Variants in VTI1A observed in about 807,000 individuals in gnomAD.
VTI1A encodes vesicle transport through interaction with t-SNAREs homolog 1A.
VTI1A carries 22 observed loss-of-function variants against 34.9 expected under a neutral mutation model. The observed-to-expected ratio is 0.63, with a 90% confidence interval of 0.45 to 0.90. VTI1A has a LOEUF of 0.90. Among genes scored for constraint, VTI1A ranks in the 40% least tolerant of loss-of-function variants. The pLI is 0.00. For missense variants in VTI1A, 268 were observed against 275.6 expected, an observed-to-expected ratio of 0.97 and a Z score of 0.20; for synonymous variants, 87 against 97.3, an observed-to-expected ratio of 0.89 and a Z score of 0.62.
chr10:112,817,158 C>T lies in VTI1A; in HGVS notation c.*1775C>T. 1 of 232,798 alleles carries T rather than the reference C, an allele frequency of 4.3e-6. No homozygotes were observed. Among genetic ancestry groups the T allele is most frequent in the Non-Finnish European group, 8.5e-6 (1 of 117,738 alleles). The allele number at this position is 232,798 out of a possible 1,614,324, so 14.4% of individuals were successfully genotyped here. A position where few individuals can be genotyped will look rare whatever the true frequency, so the allele number is the denominator to read the frequency against. On this transcript the variant is annotated 3_prime_UTR_variant, in exon 8 of 8. Coordinates refer to ENST00000393077, the MANE Select transcript of VTI1A (RefSeq NM_145206.4). Reference sequence around the variant, plus strand: ...AAGGAAACAAACAAACAACCCTTTTCTCATTCCGACACACGAATAGTCATC... The same window carrying T: ...AAGGAAACAAACAAACAACCCTTTTTTCATTCCGACACACGAATAGTCATC...
intron 5 of VTI1A, among the ~76,000 whole-genome samples, chr10:112,556,263 C>T (rs1219988768): frequency 6.6e-6 from 1 of 151,922 alleles, no homozygotes; most frequent in Admixed American, 6.6e-5. Flanking sequence ...GTAGAGAAGT[C>T]GCTTTTCACA....
chr10:112,480,995 A>G (rs1293386524), intron 3 of VTI1A, among the ~76,000 whole-genome samples: 2 of 152,170 alleles, frequency 1.3e-5, no homozygotes, highest in Admixed American at 6.5e-5. Flanking sequence ...TTATTGGTTA[A>G]GTTGAGCAGC....
intron 7 of VTI1A, among the ~76,000 whole-genome samples, chr10:112,807,363 C>T (rs1243193679): frequency 2.0e-5 from 3 of 152,150 alleles, no homozygotes; most frequent in African/African-American, 4.8e-5. Context: ...GTTGACAGGG[C>T]GATGCTCTCT....
intron 7 of VTI1A, among the ~76,000 whole-genome samples, chr10:112,692,992 C>G (rs1564886391): frequency 6.6e-6 from 1 of 152,206 alleles, no homozygotes; most frequent in Non-Finnish European, 1.5e-5. Flanking sequence ...ATGAATGTCT[C>G]TCTCACGAGC....
At chr10:112,778,954 A>G (rs992251025) in intron 7 of VTI1A, among the ~76,000 whole-genome samples, 7 of 152,242 alleles carry the variant, frequency 4.6e-5, no homozygotes, top group Non-Finnish European at 1.0e-4. Context: ...ACTGAGTGAC[A>G]CATTTTCCTA....
chr10:112,817,669 G>A lies in VTI1A; in HGVS notation c.*2286G>A. On this transcript the variant is annotated 3_prime_UTR_variant, in exon 8 of 8. Transcript: ENST00000393077. ...CTGGACACTGCAGAAAAGACTTAGG[G>A]GATCCCCAGCAGAGGCCAATTGCTC... 4.4e-6 allele frequency: 1 copy of A among 229,018 alleles called. No homozygotes were observed. 14.2% of individuals were successfully genotyped at this position (229,018 alleles called of 1,614,324 possible). A position where few individuals can be genotyped will look rare whatever the true frequency, so the allele number is the denominator to read the frequency against.
chr10:112,733,119 C>G (rs1051116123), intron 7 of VTI1A, among the ~76,000 whole-genome samples: 1 of 152,194 alleles, frequency 6.6e-6, no homozygotes, highest in Non-Finnish European at 1.5e-5. Context: ...AAGGAGATTC[C>G]TGGCACGTTC....
intron 7 of VTI1A, among the ~76,000 whole-genome samples, chr10:112,697,478 C>T (rs1301419020): frequency 6.7e-6 from 1 of 149,688 alleles, no homozygotes; most frequent in Non-Finnish European, 1.5e-5. Flanking sequence ...CTCACTGCAA[C>T]TTCTGCCTCC....
At chr10:112,543,966 T>C (rs1850969643) in intron 5 of VTI1A, among the ~76,000 whole-genome samples, 1 of 152,228 alleles carries the variant, frequency 6.6e-6, no homozygotes, top group Admixed American at 6.5e-5. Flanking sequence ...TTTTGTCAGG[T>C]TTCTCAAAGA....
At chr10:112,542,829 C>G (rs1427230294) in intron 5 of VTI1A, among the ~76,000 whole-genome samples, 2 of 152,148 alleles carry the variant, frequency 1.3e-5, no homozygotes, top group African/African-American at 4.8e-5. Flanking sequence ...CCTCCCCACT[C>G]TCCCCACCCC....
At chr10:112,523,451 T>A (rs1850103857) in intron 3 of VTI1A, among the ~76,000 whole-genome samples, 1 of 152,162 alleles carries the variant, frequency 6.6e-6, no homozygotes, top group Non-Finnish European at 1.5e-5. Flanking sequence ...ATAGTTCATA[T>A]ACGATCTGTA....
intron 7 of VTI1A, among the ~76,000 whole-genome samples, chr10:112,696,887 A>G (rs922809878): frequency 6.6e-6 from 1 of 152,218 alleles, no homozygotes; most frequent in Non-Finnish European, 1.5e-5. Context: ...CAAAAATTCT[A>G]TGACCTCTGC....
At chr10:112,549,864 G>A (rs1851281198) in intron 5 of VTI1A, among the ~76,000 whole-genome samples, 1 of 152,112 alleles carries the variant, frequency 6.6e-6, no homozygotes, top group South Asian at 2.1e-4. Context: ...AAAAAGCTGT[G>A]ATTCTTTTCT....
chr10:112,748,620 C>CTTTTT lies in VTI1A; in HGVS notation c.561-66651_561-66647dup, dbSNP rs561301572. ...CTTTTTTTTTTTTTAATTTAGAAAC[C>CTTTTT]TTTTTTTTTTTTTTTTTTTTTTTGA... On this transcript the variant is annotated intron_variant, in intron 7 of 7. Transcript: ENST00000393077. 1.8e-3 allele frequency among the ~76,000 whole-genome samples: 188 copies of CTTTTT among 104,894 alleles called. 1 individual carries two copies. Among genetic ancestry groups the CTTTTT allele is most frequent in the African/African-American group, 4.4e-3 (102 of 22,928 alleles). 68.8% of individuals were successfully genotyped at this position (104,894 alleles called of 152,430 possible).
the VTI1A span, among the ~76,000 whole-genome samples, chr10:112,833,456 G>A: frequency 6.6e-6 from 1 of 152,020 alleles, no homozygotes; most frequent in Non-Finnish European, 1.5e-5. Flanking sequence ...GAGACTAGGG[G>A]TGTGAAGACT....
chr10:112,629,895 G>A (rs1846065558), intron 5 of VTI1A, among the ~76,000 whole-genome samples: 1 of 152,134 alleles, frequency 6.6e-6, no homozygotes, highest in Admixed American at 6.5e-5. Flanking sequence ...TCTTTCTGTG[G>A]AGTACAGTGG....
intron 3 of VTI1A, among the ~76,000 whole-genome samples, chr10:112,477,202 A>G (rs958017146): frequency 3.3e-5 from 5 of 152,180 alleles, no homozygotes; most frequent in Non-Finnish European, 5.9e-5. Flanking sequence ...CCAAAACTGG[A>G]TGAACTATGT....
intron 7 of VTI1A, among the ~76,000 whole-genome samples, chr10:112,769,948 G>C (rs558439290): frequency 1.5e-3 from 223 of 152,230 alleles, no homozygotes; most frequent in Non-Finnish European, 2.1e-3. Flanking sequence ...TCCACCCCAT[G>C]GTTGCCATAG....
At chr10:112,714,138 A>G (rs67252875) in intron 7 of VTI1A, among the ~76,000 whole-genome samples, 24,775 of 152,070 alleles carry the variant, frequency 0.16, 2,239 homozygotes, top group Middle Eastern at 0.23. Context: ...TGAGAAACCA[A>G]TCTGAGGACG....
Sources: gnomAD v4.1 joint callset for allele counts (sites outside exome capture counted in the v4.1 genomes callset) on GRCh38, gnomAD v4.1.1 for gene constraint, MANE v1.5 for transcripts, NCBI Gene and HGNC (gene_info 2026-07-23, HGNC 2026-07-21) for gene names.